PTH2R: variants seen among roughly 807,000 people sequenced by gnomAD.
The protein encoded by PTH2R is parathyroid hormone 2 receptor.
PTH2R carries 59 observed loss-of-function variants against 60.3 expected under a neutral mutation model. The ratio of observed to expected loss-of-function variants is 0.98; its 90% CI spans 0.79 to 1.22. PTH2R has a LOEUF of 1.22. Among genes scored for constraint, PTH2R ranks in the 50% most tolerant of loss-of-function variants. PTH2R has a pLI of 0.00. For missense variants in PTH2R, 749 were observed against 682.6 expected (o/e 1.10, Z -1.08); for synonymous variants, 256 against 243.8 (o/e 1.05, Z -0.47).
At chr2:208,390,920 T>A (rs1465263054) in intron 1 of PTH2R, among the ~76,000 whole-genome samples, 1 of 152,228 alleles carries the variant, frequency 6.6e-6, no homozygotes, top group African/African-American at 2.4e-5. Flanking sequence ...CAGCTTAAGA[T>A]CTATTTTTTC....
chr2:208,469,254 T>A (rs772589204), intron 9 of PTH2R, among the ~76,000 whole-genome samples: 73 of 152,224 alleles, frequency 4.8e-4, no homozygotes, highest in Non-Finnish European at 1.3e-4. Context: ...TTTTTAGTCA[T>A]GCATTACATG....
At chr2:208,417,675 G>C (rs544931512) in intron 1 of PTH2R, among the ~76,000 whole-genome samples, 3 of 147,970 alleles carry the variant, frequency 2.0e-5, no homozygotes, top group Non-Finnish European at 4.5e-5. Context: ...TCAGCCTCCC[G>C]AGTAGCTGGG....
At chr2:208,369,386 A>G (rs1480063637) in intron 1 of PTH2R, among the ~76,000 whole-genome samples, 1 of 105,588 alleles carries the variant, frequency 9.5e-6, no homozygotes, top group South Asian at 2.8e-4. Flanking sequence ...TTTTTTTTTT[A>G]GAAGGAATCT....
chr2:208,366,985 T>G (rs1049730038), intron 1 of PTH2R, among the ~76,000 whole-genome samples: 1 of 152,264 alleles, frequency 6.6e-6, no homozygotes, highest in African/African-American at 2.4e-5. Context: ...CTTTCCTTTT[T>G]CTGTCCATAA....
chr2:208,471,712 G>A (rs1702884934), intron 9 of PTH2R, among the ~76,000 whole-genome samples: 1 of 152,234 alleles, frequency 6.6e-6, no homozygotes, highest in Admixed American at 6.5e-5. Context: ...AGTCCCTAAT[G>A]GGGCACTGCC....
intron 1 of PTH2R, among the ~76,000 whole-genome samples, chr2:208,388,218 G>A (rs1701043328): frequency 6.6e-6 from 1 of 151,880 alleles, no homozygotes; most frequent in South Asian, 2.1e-4. Flanking sequence ...TCGGGAGGCT[G>A]AGGCAGGAGA....
chr2:208,463,126 A>G (rs147041171), intron 9 of PTH2R, among the ~76,000 whole-genome samples: 3,155 of 152,274 alleles, frequency 0.021, 47 homozygotes, highest in Middle Eastern at 0.048. Flanking sequence ...GTCCCTTCAC[A>G]CTTGGCATAC....
intron 1 of PTH2R, among the ~76,000 whole-genome samples, chr2:208,415,234 T>C (rs930267690): frequency 6.6e-6 from 1 of 152,198 alleles, no homozygotes; most frequent in Non-Finnish European, 1.5e-5. Flanking sequence ...CTTATATAAA[T>C]AAATTTTTTT....
intron 1 of PTH2R, among the ~76,000 whole-genome samples, chr2:208,362,898 T>C (rs1700507116): frequency 6.6e-6 from 1 of 152,154 alleles, no homozygotes; most frequent in Non-Finnish European, 1.5e-5. Context: ...AGGTGACATT[T>C]CACTGTGGTT....
chr2:208,423,854 GTC>G (rs746301503), intron 1 of PTH2R, among the ~76,000 whole-genome samples: 14 of 152,088 alleles, frequency 9.2e-5, no homozygotes, highest in Non-Finnish European at 1.3e-4. Flanking sequence ...CCCTCTTTTA[GTC>G]TCTGGTAATT....
chr2:208,444,466 T>C (rs1359254225), intron 6 of PTH2R, among the ~76,000 whole-genome samples: 1 of 152,236 alleles, frequency 6.6e-6, no homozygotes, highest in East Asian at 1.9e-4. Context: ...TGTATTATTT[T>C]TATAAAGTGA....
At chr2:208,379,535 T>C (rs774739512) in intron 1 of PTH2R, among the ~76,000 whole-genome samples, 1 of 152,162 alleles carries the variant, frequency 6.6e-6, no homozygotes, top group Non-Finnish European at 1.5e-5. Flanking sequence ...CTTAAGACTT[T>C]TGGGTTTTAA....
intron 7 of PTH2R, among the ~76,000 whole-genome samples, chr2:208,445,096 A>G (rs1177080568): frequency 6.6e-6 from 1 of 152,172 alleles, no homozygotes; most frequent in Non-Finnish European, 1.5e-5. Context: ...TTTTAAAGTT[A>G]TTTGTGGATA....
At chr2:208,481,497 C>A (rs1025763626) in intron 10 of PTH2R, among the ~76,000 whole-genome samples, 1 of 152,078 alleles carries the variant, frequency 6.6e-6, no homozygotes, top group South Asian at 2.1e-4. Context: ...AGGTATGAGC[C>A]ACCATACCCG....
chr2:208,434,050 G>A (rs956836624), intron 2 of PTH2R, among the ~76,000 whole-genome samples: 2 of 151,990 alleles, frequency 1.3e-5, no homozygotes, highest in East Asian at 1.9e-4. Flanking sequence ...GCAGTGGCTC[G>A]TGCCTGTAAT....
At chr2:208,458,042 C>A (rs117533823) in intron 8 of PTH2R, among the ~76,000 whole-genome samples, 1 of 152,208 alleles carries the variant, frequency 6.6e-6, no homozygotes, top group East Asian at 1.9e-4. Flanking sequence ...TTTATTTGTG[C>A]GTCTTTTGTT....
chr2:208,362,694 G>A (rs1264835238), intron 1 of PTH2R, among the ~76,000 whole-genome samples: 2 of 152,212 alleles, frequency 1.3e-5, no homozygotes, highest in Non-Finnish European at 2.9e-5. Context: ...ATACCCAGAA[G>A]TGGATTGCTG....
At chr2:208,428,554 TC>T (rs1473282269) in intron 2 of PTH2R, among the ~76,000 whole-genome samples, 1 of 152,230 alleles carries the variant, frequency 6.6e-6, no homozygotes, top group African/African-American at 2.4e-5. Context: ...CATCAGCCTA[TC>T]CCTTAGTCCT....
intron 1 of PTH2R, among the ~76,000 whole-genome samples, chr2:208,388,209 C>T (rs1452482998): frequency 4.0e-5 from 6 of 150,706 alleles, no homozygotes; most frequent in African/African-American, 9.7e-5. Flanking sequence ...CCCAGCTACT[C>T]GGGAGGCTGA....
Sources: allele counts gnomAD v4.1 joint callset (sites outside exome capture counted in the v4.1 genomes callset), GRCh38; gene constraint gnomAD v4.1.1; transcripts MANE v1.5; gene names NCBI Gene and HGNC (gene_info 2026-07-23, HGNC 2026-07-21).